CHL1: variants seen among roughly 807,000 people sequenced by gnomAD.
The protein encoded by CHL1 is cell adhesion molecule L1 like.
In CHL1, 96 loss-of-function variants were observed where a neutral mutation model predicts 141.9. That is an observed-to-expected ratio of 0.68 (90% confidence interval 0.57 to 0.80). CHL1 has a LOEUF of 0.80. Ranked by LOEUF, CHL1 falls within the 30% of genes least tolerant of loss-of-function variation. CHL1 has a pLI of 0.00. For missense variants in CHL1, 1,820 were observed against 1,457.2 expected (o/e 1.25, Z -4.05); for synonymous variants, 613 against 502.2 (o/e 1.22, Z -2.95).
intron 2 of CHL1, among the ~76,000 whole-genome samples, chr3:312,120 C>T (rs1699798732): frequency 1.3e-5 from 2 of 152,078 alleles, no homozygotes; most frequent in African/African-American, 2.4e-5. Context: ...TAGAGTTCAA[C>T]CACAGTAATT....
chr3:378,126 T>C (rs1204988684), intron 16 of CHL1, among the ~76,000 whole-genome samples, 184 bp downstream of exon 16: 1 of 152,192 alleles, frequency 6.6e-6, no homozygotes, highest in Non-Finnish European at 1.5e-5. Flanking sequence ...AAGAAATTAA[T>C]TAATGCTTAA....
intron 1 of CHL1, among the ~76,000 whole-genome samples, chr3:226,832 C>T (rs1701399619): frequency 6.6e-6 from 1 of 152,116 alleles, no homozygotes; most frequent in African/African-American, 2.4e-5. Context: ...CAATGCTTAG[C>T]AGACAATTTG....
intron 23 of CHL1, among the ~76,000 whole-genome samples, chr3:392,471 T>C (rs1708303305): frequency 6.6e-6 from 1 of 152,216 alleles, no homozygotes; most frequent in Non-Finnish European, 1.5e-5. Flanking sequence ...GTAACGTGAA[T>C]GTGTTTAGAT....
intron 1 of CHL1, among the ~76,000 whole-genome samples, chr3:232,298 T>C (rs1465008303): frequency 2.0e-5 from 3 of 152,200 alleles, no homozygotes; most frequent in Non-Finnish European, 4.4e-5. Flanking sequence ...TGGAGCTCTT[T>C]GTACTAAGTT....
intron 9 of CHL1, among the ~76,000 whole-genome samples, chr3:346,204 A>G (rs1010610158): frequency 6.6e-6 from 1 of 152,192 alleles, no homozygotes. Context: ...TCTCTTTCCA[A>G]CCACCAAAAA....
At chr3:267,369 A>G (rs1456287533) in intron 2 of CHL1, among the ~76,000 whole-genome samples, 1 of 152,046 alleles carries the variant, frequency 6.6e-6, no homozygotes, top group East Asian at 1.9e-4. Context: ...CTAATTAACC[A>G]CCATAAGGTG....
chr3:276,003 G>T (rs563517422), intron 2 of CHL1, among the ~76,000 whole-genome samples: 1 of 151,954 alleles, frequency 6.6e-6, no homozygotes, highest in South Asian at 2.1e-4. Context: ...GTTTAAGAAG[G>T]TAATTTTTGT....
At chr3:352,868 C>T (rs1321408679) in intron 10 of CHL1, among the ~76,000 whole-genome samples, 1 of 152,150 alleles carries the variant, frequency 6.6e-6, no homozygotes, top group Non-Finnish European at 1.5e-5. Context: ...ATAAATTGGG[C>T]TGGCCTTCTT....
At chr3:197,860 C>T (rs1204051119) in intron 1 of CHL1, 1 of 420,182 alleles carries the variant, frequency 2.4e-6, no homozygotes, top group Admixed American at 3.1e-5. Context: ...TTGTGCCTCT[C>T]TCTTTCTCTC....
intron 1 of CHL1, chr3:197,638 G>T (rs942588390): frequency 1.9e-5 from 7 of 366,232 alleles, no homozygotes; most frequent in South Asian, 1.2e-4. Flanking sequence ...CCCGGGGGGG[G>T]TTCCGAAAAT....
rs115357599 is a variant in CHL1 at position 389,285 on chromosome 3, C to G, written c.2281C>G (p.Leu761Val). 2 of 1,613,196 alleles carry G rather than the reference C, an allele frequency of 1.2e-6. No individual in the cohort carries two copies. The highest frequency in any genetic ancestry group is 1.7e-6 in the Non-Finnish European group (2 of 1,179,562). ...ATCCATGGAGCAGAATGGACCAGGC[C>G]TAGAGTACAGAGTGACCTGGAAGCC... The part of the protein sequence containing the change: ...LKSMEQNGPG[L>V]EYRVTWKPQG... Residue 761 changes from leucine (L) to valine (V), a missense_variant, in exon 20 of 28, where the codon CTA becomes GTA. Transcript: ENST00000256509.
chr3:216,034 T>C (rs551366681), intron 1 of CHL1, among the ~76,000 whole-genome samples: 74 of 152,268 alleles, frequency 4.9e-4, no homozygotes, highest in Non-Finnish European at 9.4e-4. Flanking sequence ...AGAATATATA[T>C]GTTATTAGGA....
At chr3:286,751 T>G (rs1266462021) in intron 2 of CHL1, among the ~76,000 whole-genome samples, 1 of 152,204 alleles carries the variant, frequency 6.6e-6, no homozygotes, top group Non-Finnish European at 1.5e-5. Flanking sequence ...GGGTGGATTA[T>G]TCATGATTTT....
intron 2 of CHL1, among the ~76,000 whole-genome samples, chr3:318,697 A>C (rs1700320394): frequency 6.6e-6 from 1 of 151,324 alleles, no homozygotes; most frequent in Non-Finnish European, 1.5e-5. Context: ...TTTCAGTTAA[A>C]ATGGTGGCCT....
chr3:364,903 C>T (rs1335874225), intron 14 of CHL1, among the ~76,000 whole-genome samples: 1 of 151,806 alleles, frequency 6.6e-6, no homozygotes, highest in Non-Finnish European at 1.5e-5. Context: ...TTAGCAGAGC[C>T]CTGATAGAGA....
intron 2 of CHL1, among the ~76,000 whole-genome samples, chr3:301,231 G>A (rs933715378): frequency 6.6e-6 from 1 of 152,100 alleles, no homozygotes; most frequent in African/African-American, 2.4e-5. Context: ...CTTTCCATAG[G>A]ATTTTCTTCA....
At chr3:201,553 A>G (rs192428410) in intron 1 of CHL1, among the ~76,000 whole-genome samples, 1 of 152,164 alleles carries the variant, frequency 6.6e-6, no homozygotes, top group Non-Finnish European at 1.5e-5. Context: ...ACATAATTTC[A>G]ATAAGAATCA....
chr3:342,303 T>G (rs1212499702), intron 7 of CHL1, among the ~76,000 whole-genome samples: 1 of 152,176 alleles, frequency 6.6e-6, no homozygotes, highest in Non-Finnish European at 1.5e-5. Flanking sequence ...ACAGGACAAA[T>G]GTATTTCATC....
chr3:255,140 T>A (rs963001917), intron 2 of CHL1, among the ~76,000 whole-genome samples: 4 of 152,194 alleles, frequency 2.6e-5, no homozygotes, highest in African/African-American at 7.2e-5. Flanking sequence ...ACCCCTTCAT[T>A]CTTAACCTGC....
Sources: gnomAD v4.1 joint callset for allele counts (sites outside exome capture counted in the v4.1 genomes callset) on GRCh38, gnomAD v4.1.1 for gene constraint, MANE v1.5 for transcripts, NCBI Gene and HGNC (gene_info 2026-07-23, HGNC 2026-07-21) for gene names.